The following HACD3 variants were observed in gnomAD, a reference collection of about 807,000 sequenced individuals.
HACD3 encodes the protein very-long-chain (3R)-3-hydroxyacyl-CoA dehydratase 3.
Under a neutral mutation model 55.2 loss-of-function variants are expected in HACD3, and 30 were observed. That is an observed-to-expected ratio of 0.54 (90% CI 0.41 to 0.74). The LOEUF (loss-of-function observed/expected upper bound fraction) is 0.74. Among genes scored for constraint, HACD3 ranks in the 30% least tolerant of loss-of-function variants. The pLI is 0.00. For synonymous variants in HACD3, 141 were observed against 151.7 expected, an observed-to-expected ratio of 0.93 and a Z score of 0.52; for missense variants, 363 against 440.1, an observed-to-expected ratio of 0.82 and a Z score of 1.57.
chr15:65,576,913 AGAGTGGG>A lies in HACD3; in HGVS notation c.*536_*542del, dbSNP rs2072407347. ...CTGAGTCATTGATAAAACATTTCTAAGAGTGGGGCTAGAGAACATACTTTACATCTGA... is the reference window on the plus strand; with the variant it reads ...CTGAGTCATTGATAAAACATTTCTAAGCTAGAGAACATACTTTACATCTGA... On this transcript the variant is annotated 3_prime_UTR_variant, in exon 11 of 11. Coordinates refer to ENST00000261875, the MANE Select transcript of HACD3 (RefSeq NM_016395.4). 6.5e-6 allele frequency: 1 copy of A among 153,720 alleles called. No homozygotes were observed. The highest frequency in any genetic ancestry group is 2.0e-4 in the South Asian group (1 of 4,898). 9.5% of individuals were successfully genotyped at this position (153,720 alleles called of 1,614,324 possible). A position where few individuals can be genotyped will look rare whatever the true frequency, so the allele number is the denominator to read the frequency against.
chr15:65,573,449 A>G (rs2072371177), intron 10 of HACD3, among the ~76,000 whole-genome samples: 3 of 152,110 alleles, frequency 2.0e-5, no homozygotes, highest in Admixed American at 2.0e-4. Flanking sequence ...CTCTACTAAA[A>G]GTACAAAAAT....
chr15:65,566,264 A>G (rs531252031), intron 7 of HACD3: 11 of 163,416 alleles, frequency 6.7e-5, no homozygotes, highest in Middle Eastern at 2.9e-3. Context: ...CCCAGTTCCA[A>G]GGTCACTTCC....
intron 2 of HACD3, 130 bp from the exon 3 acceptor site, chr15:65,554,757 A>G: frequency 1.7e-6 from 1 of 574,834 alleles, no homozygotes; most frequent in Non-Finnish European, 3.1e-6. Flanking sequence ...CCTGGGCAAC[A>G]GAGCAAGACT....
intron 1 of HACD3, among the ~76,000 whole-genome samples, chr15:65,544,961 C>T (rs907163445): frequency 2.0e-5 from 3 of 150,226 alleles, no homozygotes; most frequent in South Asian, 2.1e-4. Flanking sequence ...GCGGAGGTTG[C>T]GGTGAGCCGA....
chr15:65,531,322 CTCTGT>C (rs1173775521), intron 1 of HACD3: 4 of 152,288 alleles, frequency 2.6e-5, no homozygotes, highest in Non-Finnish European at 5.9e-5. Context: ...TGATTTCCCC[CTCTGT>C]TCTGAAGGTT....
intron 1 of HACD3, among the ~76,000 whole-genome samples, chr15:65,539,777 A>G (rs1352597396): frequency 6.6e-6 from 1 of 152,248 alleles, no homozygotes; most frequent in African/African-American, 2.4e-5. Context: ...CAACAGCTAC[A>G]ATGAATGAAA....
intron 1 of HACD3, among the ~76,000 whole-genome samples, chr15:65,534,127 C>A (rs962587956): frequency 6.6e-6 from 1 of 152,062 alleles, no homozygotes; most frequent in Non-Finnish European, 1.5e-5. Context: ...CAGTAAAAAT[C>A]GTTTATGGAG....
Position 65,570,165 on chromosome 15 carries a change from CTTTGTGTTTTA to C in HACD3, c.742_752del (p.Phe248GlufsTer4), listed in dbSNP as rs1443147874. On this transcript the variant is annotated frameshift_variant, in exon 8 of 11. Transcript: ENST00000261875. LOFTEE classifies it high-confidence loss of function. The stretch of plus-strand genomic sequence containing the variant: ...AAATGCAGAACAAAGCTGTGGTTTT[CTTTGTGTTTTA>C]TTTGTGGAGTGCAATTGAAATTTTC... The C allele has an allele frequency of 2.5e-6, 4 of 1,612,498 alleles. No individual in the cohort carries two copies. The highest frequency in any genetic ancestry group is 3.4e-6 in the Non-Finnish European group (4 of 1,179,032).
rs1202916395 is a variant in HACD3 at position 65,578,228 on chromosome 15, A to G, written c.*1849A>G. 1.3e-5 allele frequency: 2 copies of G among 152,238 alleles called. No homozygotes were observed. Among genetic ancestry groups the G allele is most frequent in the Non-Finnish European group, 2.9e-5 (2 of 68,042 alleles). 9.4% of individuals were successfully genotyped at this position (152,238 alleles called of 1,614,324 possible). On this transcript the variant is annotated 3_prime_UTR_variant, in exon 11 of 11. Transcript: ENST00000261875. ...GTGTAATTGGGCAGATCAGCTTTGC[A>G]GTAGATTATGCTGCATCCTCGTGGC...
Position 65,576,299 on chromosome 15 carries a change from T to G in HACD3, c.1013-4T>G. On this transcript the variant is annotated splice_region_variant and splice_polypyrimidine_tract_variant and intron_variant, in intron 10 of 10. Coordinates refer to ENST00000261875, the MANE Select transcript of HACD3 (RefSeq NM_016395.4). ...ATTTCTAATTGACCTCTTTTCTTTT[T>G]CAGGTTTATACATAAATTTTCGTCA... is the stretch of plus-strand genomic sequence containing the variant. The G allele has an allele frequency of 6.3e-7, 1 of 1,588,336 alleles. No individual in the cohort carries two copies. The highest frequency in any genetic ancestry group is 8.6e-7 in the Non-Finnish European group (1 of 1,167,762).
intron 1 of HACD3, among the ~76,000 whole-genome samples, chr15:65,532,000 G>C (rs1277667979): frequency 3.3e-5 from 5 of 152,064 alleles, no homozygotes. Flanking sequence ...CGTGGATCCG[G>C]TAAAATGTAG....
chr15:65,532,619 T>G (rs1426875716), intron 1 of HACD3, among the ~76,000 whole-genome samples: 1 of 140,472 alleles, frequency 7.1e-6, no homozygotes, highest in Non-Finnish European at 1.5e-5. Flanking sequence ...GCAACAAGAG[T>G]GAAACTCTGT....
intron 5 of HACD3, among the ~76,000 whole-genome samples, chr15:65,559,993 C>G (rs1428883336): frequency 6.6e-6 from 1 of 150,506 alleles, no homozygotes; most frequent in Non-Finnish European, 1.5e-5. Context: ...TTTTAATTAG[C>G]TAAATGTTGC....
intron 1 of HACD3, among the ~76,000 whole-genome samples, chr15:65,541,322 A>G (rs1226478341): frequency 2.6e-5 from 4 of 152,132 alleles, no homozygotes; most frequent in African/African-American, 4.8e-5. Context: ...AAGCTTTCTT[A>G]TTACTTTGAG....
chr15:65,537,912 C>T (rs933269139), intron 1 of HACD3, among the ~76,000 whole-genome samples: 2 of 133,186 alleles, frequency 1.5e-5, no homozygotes, highest in African/African-American at 5.7e-5. Flanking sequence ...ATTTTAAGCC[C>T]ACTGTTGAGG....
At chr15:65,551,865 T>A (rs2072136594) in intron 2 of HACD3, 147 bp downstream of exon 2, 1 of 804,374 alleles carries the variant, frequency 1.2e-6, no homozygotes, top group Non-Finnish European at 1.9e-6. Flanking sequence ...TAAATTGTTT[T>A]GAAATATATG....
chr15:65,571,738 T>A, intron 9 of HACD3, 84 bp downstream of exon 9: 1 of 1,032,954 alleles, frequency 9.7e-7, no homozygotes, highest in South Asian at 1.5e-5. Context: ...TTCCCCGGCC[T>A]TAGTCCGATA....
rs74021128 is a variant in HACD3 at position 65,553,710 on chromosome 15, A to C, written c.131-1177A>C. Among the ~76,000 whole-genome samples, 1,227 of 152,320 alleles carry C rather than the reference A, an allele frequency of 8.1e-3. 18 individuals carry two copies. Among genetic ancestry groups the C allele is most frequent in the African/African-American group, 0.028 (1,171 of 41,560 alleles). ...CCACTTAGACCTTATATACTGTCCTACCTTAAGGAATTTATCGTCACAGAG... is the reference window on the plus strand; with the variant it reads ...CCACTTAGACCTTATATACTGTCCTCCCTTAAGGAATTTATCGTCACAGAG... On this transcript the variant is annotated intron_variant, in intron 2 of 10. Transcript: ENST00000261875.
chr15:65,553,547 T>C lies in HACD3; in HGVS notation c.131-1340T>C, dbSNP rs73484695. Among the ~76,000 whole-genome samples, 1,347 of 152,350 alleles carry C rather than the reference T, an allele frequency of 8.8e-3. 23 individuals are homozygous for C. Among genetic ancestry groups the C allele is most frequent in the African/African-American group, 0.031 (1,297 of 41,578 alleles). ...TTTCTGCTTTATGTGAAATTCCATC[T>C]ACTGTAATATACTTGCATGAAAGTA... is the stretch of plus-strand genomic sequence containing the variant. On this transcript the variant is annotated intron_variant, in intron 2 of 10. Coordinates refer to ENST00000261875, the MANE Select transcript of HACD3 (RefSeq NM_016395.4).
Sources: gnomAD v4.1 joint callset for allele counts (sites outside exome capture counted in the v4.1 genomes callset) on GRCh38, gnomAD v4.1.1 for gene constraint, MANE v1.5 for transcripts, NCBI Gene and HGNC (gene_info 2026-07-23, HGNC 2026-07-21) for gene names.